The following TRIM58 variants were observed in gnomAD, a reference collection of about 807,000 sequenced individuals.
TRIM58 encodes the protein E3 ubiquitin-protein ligase TRIM58.
In TRIM58, 38 loss-of-function variants were observed where a neutral mutation model predicts 34.1. That is an observed-to-expected ratio of 1.12 (90% CI 0.86 to 1.46). The LOEUF is 1.46. Ranked by LOEUF, TRIM58 falls within the 40% of genes most tolerant of loss-of-function variation. TRIM58 has a pLI of 0.00. For synonymous variants in TRIM58, 273 were observed against 275.7 expected (o/e 0.99, Z 0.10); for missense variants, 677 against 642.0 (o/e 1.05, Z -0.59).
At position 247,879,104 on chromosome 1, in the gene TRIM58, A is replaced by G. The variant is rs568573919; in HGVS notation, c.*2615A>G. Among the ~76,000 whole-genome samples, 6 of 152,174 alleles carry G rather than the reference A, an allele frequency of 3.9e-5. No homozygotes were observed. The highest frequency in any genetic ancestry group is 3.9e-4 in the East Asian group (2 of 5,170). On this transcript the variant is annotated 3_prime_UTR_variant, in exon 6 of 6. Transcript: ENST00000366481. ...CATCAAAATAGACATTTTGAACTCA[A>G]TTTGCCTAAAACTTACCCACAAATT...
rs1412951498 is a variant in TRIM58 at position 247,864,743 on chromosome 1, G to A, written c.555G>A (p.Glu185=). The A allele has an allele frequency of 6.2e-7, 1 of 1,614,098 alleles. No individual in the cohort carries two copies. The highest frequency in any genetic ancestry group is 1.3e-5 in the African/African-American group (1 of 74,942). The change falls in exon 3 of 6, where the codon GAG becomes GAA. Residue 185 remains glutamate, a synonymous_variant. Transcript: ENST00000366481. ...TGCAGAGGCAGCGCTTCAGATTGGA[G>A]TTTGAGAAGCATCGTGGCTTTCTGG... The part of the protein sequence containing the change: ...VEMQRQRFRL[E]FEKHRGFLAQ...
At chr1:247,866,736 G>A (rs1019305397) in intron 3 of TRIM58, among the ~76,000 whole-genome samples, 18 of 152,196 alleles carry the variant, frequency 1.2e-4, no homozygotes, top group African/African-American at 3.9e-4. Context: ...CCGAGTAGCT[G>A]GGACTAAAGG....
chr1:247,858,835 A>G (rs1372032650), intron 1 of TRIM58, among the ~76,000 whole-genome samples: 1 of 132,734 alleles, frequency 7.5e-6, no homozygotes, highest in Non-Finnish European at 1.5e-5. Flanking sequence ...ATCTCGGCTC[A>G]TTGCAACCTC....
chr1:247,864,996 A>G lies in TRIM58; in HGVS notation c.747+61A>G, dbSNP rs1364576429. 22 of 1,411,978 alleles carry G rather than the reference A, an allele frequency of 1.6e-5. No individual in the cohort carries two copies. In the South Asian group the frequency reaches 2.4e-4, roughly 16 times the overall value. 87.5% of individuals were successfully genotyped at this position (1,411,978 alleles called of 1,614,324 possible). A position where few individuals can be genotyped will look rare whatever the true frequency, so the allele number is the denominator to read the frequency against. On this transcript the variant is annotated intron_variant, in intron 3 of 5. Transcript: ENST00000366481. ...GACTCAGGTGACAGAGACTAGTACA[A>G]TGGCTTTCAGAGACAAACACTTTGG...
In TRIM58 at chr1:247,875,990, A is replaced by T. The variant is rs749222340; in HGVS notation, c.962A>T (p.Asp321Val). 9.3e-6 allele frequency: 15 copies of T among 1,614,074 alleles called. No homozygotes were observed. The African/African-American group carries it at 1.2e-4, about 13-fold the overall frequency. The change falls in exon 6 of 6, where the codon GAT (aspartate) becomes GTT (valine). Residue 321 changes from aspartate to valine, a missense_variant. Asp to Val is a radical substitution (Grantham distance 152). Transcript: ENST00000366481. ...RSVQDGEPWR[D>V]VPNNPERFDT... Reference sequence around the variant, plus strand: ...GTGCAGGATGGAGAACCATGGAGGGATGTCCCCAACAACCCTGAGCGATTT... The same window carrying T: ...GTGCAGGATGGAGAACCATGGAGGGTTGTCCCCAACAACCCTGAGCGATTT...
Position 247,879,270 on chromosome 1 carries a change from C to T in TRIM58, c.*2781C>T, listed in dbSNP as rs1343651605. On this transcript the variant is annotated 3_prime_UTR_variant, in exon 6 of 6. Transcript: ENST00000366481. The stretch of plus-strand genomic sequence containing the variant: ...TGATTTCTCCAGCCCACATCCAGTC[C>T]ATCGGCAAGCCCTGTTGGTCCTACC... 6.6e-6 allele frequency among the ~76,000 whole-genome samples: 1 copy of T among 152,186 alleles called. No individual in the cohort carries two copies. Among genetic ancestry groups the T allele is most frequent in the East Asian group, 1.9e-4 (1 of 5,174 alleles).
At position 247,860,665 on chromosome 1, in the gene TRIM58, G is replaced by A. The variant is rs764514224; in HGVS notation, c.469G>A (p.Ala157Thr). The A allele has an allele frequency of 1.2e-6, 2 of 1,613,804 alleles. No homozygotes were observed. The highest frequency in any genetic ancestry group is 1.1e-5 in the South Asian group (1 of 91,020). The change falls in exon 2 of 6, where the codon GCC becomes ACC. Residue 157 changes from alanine (A) to threonine (T), a missense_variant. Physicochemically the swap from Ala to Thr is moderately conservative, Grantham distance 58. Coordinates refer to ENST00000366481, the MANE Select transcript of TRIM58 (RefSeq NM_015431.4). ...LELMRKELED[A>T]LTQEANVGKK... ...ACTTATGAGGAAAGAGTTGGAGGAC[G>A]CCTTGACTCAGGAGGCCAACGTGGG...
Position 247,860,847 on chromosome 1 carries a change from ATCCTGGGTCATCCCG to A in TRIM58, c.516+139_516+153del, listed in dbSNP as rs1337093039. ...ATATGCCCAAGAGCACCTCAGAGCC[ATCCTGGGTCATCCCG>A]TCCCCTCAAATGATATGGTTCATTT... On this transcript the variant is annotated intron_variant, in intron 2 of 5. Transcript: ENST00000366481. 4.9e-6 allele frequency: 3 copies of A among 613,004 alleles called. No individual in the cohort carries two copies. In the Admixed American group the frequency reaches 9.4e-5, roughly 19 times the overall value. The allele number at this position is 613,004 out of a possible 1,614,324, so 38.0% of individuals were successfully genotyped here.
rs868389861 is a variant in TRIM58 at position 247,876,263 on chromosome 1, G to A, written c.1235G>A (p.Gly412Glu). Residue 412 changes from glycine (G) to glutamate (E), a missense_variant, in exon 6 of 6, where the codon GGG becomes GAG. Coordinates refer to ENST00000366481, the MANE Select transcript of TRIM58 (RefSeq NM_015431.4). Reference sequence around the variant, plus strand: ...CAACTGGAAAGTCCTCGCTGCATTGGGATTTTCTTGGACTATGAAGCCGGT... The same window carrying A: ...CAACTGGAAAGTCCTCGCTGCATTGAGATTTTCTTGGACTATGAAGCCGGT... ...LLQLESPRCI[G>E]IFLDYEAGEI... is the part of the protein sequence containing the mutation. 6.2e-7 allele frequency: 1 copy of A among 1,614,048 alleles called. No homozygotes were observed. Among genetic ancestry groups the A allele is most frequent in the African/African-American group, 1.3e-5 (1 of 74,926 alleles).
At chr1:247,859,551 TGAGC>T (rs1663730309) in intron 1 of TRIM58, among the ~76,000 whole-genome samples, 2 of 152,172 alleles carry the variant, frequency 1.3e-5, no homozygotes, top group African/African-American at 2.4e-5. Context: ...TTACCTCTAG[TGAGC>T]GCCCTATCAT....
chr1:247,871,233 ACCT>A, intron 5 of TRIM58, among the ~76,000 whole-genome samples: 1 of 152,292 alleles, frequency 6.6e-6, no homozygotes, highest in East Asian at 1.9e-4. Context: ...AAAGCACCCC[ACCT>A]CCTAAAAGTA....
In TRIM58 at chr1:247,876,151, C is replaced by T; in HGVS notation, c.1123C>T (p.Pro375Ser). 6.2e-7 allele frequency: 1 copy of T among 1,614,154 alleles called. No individual in the cohort carries two copies. Among genetic ancestry groups the T allele is most frequent in the Non-Finnish European group, 8.5e-7 (1 of 1,179,998 alleles). Residue 375 changes from proline (P) to serine (S), a missense_variant, in exon 6 of 6, where the codon CCA becomes TCA. Physicochemically the swap from Pro to Ser is moderately conservative, Grantham distance 74. Coordinates refer to ENST00000366481, the MANE Select transcript of TRIM58 (RefSeq NM_015431.4). ...ACTGCCAAGAAAGGGGGAAACCACG[C>T]CATCTCCTGAGAATGGGGTCTGGGC... The part of the protein sequence containing the change: ...DTLPRKGETT[P>S]SPENGVWALW...
At chr1:247,874,489 G>A (rs1481560752) in intron 5 of TRIM58, among the ~76,000 whole-genome samples, 1 of 152,106 alleles carries the variant, frequency 6.6e-6, no homozygotes, top group African/African-American at 2.4e-5. Context: ...AGACCGGGAG[G>A]CGATACACAT....
rs1011119348 is a variant in TRIM58, at chr1:247,857,530, G to A, written c.284G>A (p.Arg95Gln). ...LGLGAGPGAR[R>Q]CARHGEDLSR... is the part of the protein sequence containing the mutation. ...TTGGGCGCGGGGCCCGGGGCGCGGC[G>A]ATGCGCGCGGCACGGCGAGGACCTG... Residue 95 changes from arginine (R) to glutamine (Q), a missense_variant, in exon 1 of 6, where the codon CGA becomes CAA. Physicochemically the swap from Arg to Gln is conservative, Grantham distance 43 (BLOSUM62 1). Coordinates refer to ENST00000366481, the MANE Select transcript of TRIM58 (RefSeq NM_015431.4). 7.8e-7 allele frequency: 1 copy of A among 1,284,256 alleles called. No homozygotes were observed. The highest frequency in any genetic ancestry group is 9.8e-7 in the Non-Finnish European group (1 of 1,019,882). 79.6% of individuals were successfully genotyped at this position (1,284,256 alleles called of 1,614,324 possible).
intron 3 of TRIM58, 97 bp downstream of exon 3, chr1:247,865,032 CT>C: frequency 8.3e-7 from 1 of 1,210,508 alleles, no homozygotes; most frequent in Non-Finnish European, 1.1e-6. Flanking sequence ...CGTTTATGTT[CT>C]TTAGGAAAAG....
At chr1:247,874,583 T>C (rs969599932) in intron 5 of TRIM58, among the ~76,000 whole-genome samples, 2 of 152,220 alleles carry the variant, frequency 1.3e-5, no homozygotes, top group African/African-American at 4.8e-5. Context: ...CCCCCTTCAC[T>C]GAGGTTTCAT....
At chr1:247,860,793 A>G (rs957704668) in intron 2 of TRIM58, 81 bp downstream of exon 2, 138 of 1,100,270 alleles carry the variant, frequency 1.3e-4, no homozygotes, top group Non-Finnish European at 1.0e-4. Flanking sequence ...ACCATCTTCC[A>G]TTCTCCAGCA....
At chr1:247,863,633 C>T (rs757473952) in intron 2 of TRIM58, among the ~76,000 whole-genome samples, 2 of 151,620 alleles carry the variant, frequency 1.3e-5, no homozygotes, top group Non-Finnish European at 1.5e-5. Context: ...TGAATATATA[C>T]AAAAAATAAA....
In TRIM58 at chr1:247,878,214, A is replaced by G. The variant is rs1041395504; in HGVS notation, c.*1725A>G. 2.0e-5 allele frequency: 3 copies of G among 148,744 alleles called. No homozygotes were observed. Among genetic ancestry groups the G allele is most frequent in the Non-Finnish European group, 4.5e-5 (3 of 66,834 alleles). The allele number at this position is 148,744 out of a possible 1,614,324, so 9.2% of individuals were successfully genotyped here. On this transcript the variant is annotated 3_prime_UTR_variant, in exon 6 of 6. Coordinates refer to ENST00000366481, the MANE Select transcript of TRIM58 (RefSeq NM_015431.4). Reference sequence around the variant, plus strand: ...AAATAAATAAATAAATAAATATTACACAAATGCTAAAATGTTTAAATGGTA... The same window carrying G: ...AAATAAATAAATAAATAAATATTACGCAAATGCTAAAATGTTTAAATGGTA...
Sources: gnomAD v4.1 joint callset for allele counts (sites outside exome capture counted in the v4.1 genomes callset) on GRCh38, gnomAD v4.1.1 for gene constraint, MANE v1.5 for transcripts, NCBI Gene and HGNC (gene_info 2026-07-23, HGNC 2026-07-21) for gene names.